CEP72: variants seen among roughly 807,000 people sequenced by gnomAD.
CEP72 encodes the protein centrosomal protein of 72 kDa.
In CEP72, 78 loss-of-function variants were observed where a neutral mutation model predicts 65.7. The observed-to-expected ratio is 1.19, with a 90% CI of 0.99 to 1.43. CEP72 has a LOEUF of 1.43. Among genes scored for constraint, CEP72 ranks in the 40% most tolerant of loss-of-function variants. The probability of loss-of-function intolerance (pLI) is 0.00; values close to 1 mark genes in which losing one functional copy is unlikely to be tolerated. For missense variants in CEP72, 914 were observed against 832.9 expected (o/e 1.10, Z -1.20); for synonymous variants, 358 against 351.7 (o/e 1.02, Z -0.20).
the CEP72 span, among the ~76,000 whole-genome samples, chr5:674,302 G>A: frequency 6.6e-6 from 1 of 152,216 alleles, no homozygotes; most frequent in Non-Finnish European, 1.5e-5. Context: ...GGAGCACGGG[G>A]CTGGGTCCCC....
At chr5:653,732 T>TATCACAGC (rs1422867385), downstream of CEP72, among the ~76,000 whole-genome samples, 1 of 152,240 alleles carries the variant, frequency 6.6e-6, no homozygotes, top group Non-Finnish European at 1.5e-5. Context: ...GATATTAACA[T>TATCACAGC]ATCACAGCGG....
At chr5:661,908 G>C (rs1318699887), downstream of CEP72, 3 of 152,400 alleles carry the variant, frequency 2.0e-5, no homozygotes, top group Non-Finnish European at 4.4e-5. Flanking sequence ...AGGGCCGCTG[G>C]GGGAGGGCGT....
At chr5:627,938 G>A (rs893250353) in intron 4 of CEP72, among the ~76,000 whole-genome samples, 2 of 152,194 alleles carry the variant, frequency 1.3e-5, no homozygotes, top group South Asian at 2.1e-4. Context: ...CGTGACCAGC[G>A]GCAACGTGTG....
At chr5:654,252 T>C (rs1739299206), downstream of CEP72, among the ~76,000 whole-genome samples, 1 of 147,558 alleles carries the variant, frequency 6.8e-6, no homozygotes, top group Non-Finnish European at 1.5e-5. Flanking sequence ...GTGTGCATGC[T>C]TGCTGTGTGT....
At chr5:614,296 T>G (rs76361168) in intron 1 of CEP72, among the ~76,000 whole-genome samples, 192 of 152,290 alleles carry the variant, frequency 1.3e-3, no homozygotes, top group African/African-American at 4.4e-3. Flanking sequence ...TTTGAGACTT[T>G]CCTATTTTCT....
At chr5:636,930 G>A (rs922870465) in intron 6 of CEP72, among the ~76,000 whole-genome samples, 1 of 152,076 alleles carries the variant, frequency 6.6e-6, no homozygotes, top group Non-Finnish European at 1.5e-5. Context: ...TCTGTCAGCC[G>A]CTGCAGGATG....
downstream of CEP72, chr5:660,248 G>A (rs1424724726): frequency 6.7e-6 from 1 of 149,334 alleles, no homozygotes; most frequent in Non-Finnish European, 1.5e-5. Flanking sequence ...TCCCTTTCTT[G>A]AAAAAAACTT....
exon 2 of CEP72, chr5:663,468 C>T (rs1029997080): frequency 3.3e-5 from 5 of 152,442 alleles, no homozygotes; most frequent in Non-Finnish European, 5.9e-5. Flanking sequence ...TCCTCCCCAT[C>T]CTCAGGTGGA....
intron 4 of CEP72, among the ~76,000 whole-genome samples, chr5:625,656 C>T (rs537774349): frequency 6.6e-6 from 1 of 152,380 alleles, no homozygotes; most frequent in East Asian, 1.9e-4. Context: ...CCCATCACCC[C>T]ATTTCAAACC....
intron 4 of CEP72, among the ~76,000 whole-genome samples, chr5:632,045 TG>T (rs1318627822): frequency 6.1e-5 from 3 of 48,966 alleles, no homozygotes; most frequent in Non-Finnish European, 1.1e-4. Flanking sequence ...CCAGTCCTAG[TG>T]GGGTTCTGTC....
At chr5:673,555 C>T in the CEP72 span, among the ~76,000 whole-genome samples, 11 of 152,178 alleles carry the variant, frequency 7.2e-5, no homozygotes, top group Admixed American at 2.6e-4. Context: ...ATCTCCCACA[C>T]GGCGCCCACT....
chr5:640,275 C>A (rs1737919819), intron 8 of CEP72, 133 bp from the exon 9 acceptor site: 2 of 1,235,550 alleles, frequency 1.6e-6, no homozygotes, highest in Admixed American at 2.6e-5. Context: ...GGCGCCAACA[C>A]CCCTTTCCCC....
rs543053471 is a variant in CEP72 at position 626,168 on chromosome 5, C to T, written c.512+1589C>T. ...CTTTGTCATTTTTTACATAGAAAAT[C>T]ATGTCATCTGTGAACAGTTTTATTC... On this transcript the variant is annotated intron_variant, in intron 4 of 11. Coordinates refer to ENST00000264935, the MANE Select transcript of CEP72 (RefSeq NM_018140.4). 2.0e-5 allele frequency among the ~76,000 whole-genome samples: 3 copies of T among 152,326 alleles called. No individual in the cohort carries two copies. In the South Asian group the frequency reaches 6.2e-4, roughly 32 times the overall value.
At chr5:676,431 A>G in the CEP72 span, 18,097 of 152,244 alleles carry the variant, frequency 0.12, 1,398 homozygotes, top group South Asian at 0.18. Flanking sequence ...ACAGCCTTCC[A>G]CACAGGGGCA....
chr5:665,964 G>A (rs1279880985), exon 4 of CEP72: 1 of 1,109,718 alleles, frequency 9.0e-7, no homozygotes, highest in South Asian at 1.5e-5. Context: ...TCCCCGCCCT[G>A]CTCACCGTCA....
chr5:669,603 C>T (rs985129839), downstream of CEP72, among the ~76,000 whole-genome samples: 26 of 152,156 alleles, frequency 1.7e-4, no homozygotes, highest in Non-Finnish European at 3.2e-4. Flanking sequence ...TGCTGAGGCA[C>T]GCAGCCCTTT....
At chr5:622,073 C>T (rs1472073184) in intron 3 of CEP72, among the ~76,000 whole-genome samples, 1 of 152,222 alleles carries the variant, frequency 6.6e-6, no homozygotes, top group African/African-American at 2.4e-5. Context: ...TGAGCCTGGC[C>T]AAATTCTAAC....
chr5:622,671 T>C (rs1736467793), intron 3 of CEP72, among the ~76,000 whole-genome samples: 1 of 152,232 alleles, frequency 6.6e-6, no homozygotes, highest in African/African-American at 2.4e-5. Context: ...GCGGCGTGCA[T>C]GCGTGGTGCT....
intron 1 of CEP72, among the ~76,000 whole-genome samples, chr5:615,134 C>CT (rs373343998): frequency 0.068 from 8,193 of 120,260 alleles, 451 homozygotes; most frequent in East Asian, 0.18. Context: ...TAGTCTTCCT[C>CT]TTTTTTTTTT....
Sources: gnomAD v4.1 joint callset for allele counts (sites outside exome capture counted in the v4.1 genomes callset) on GRCh38, gnomAD v4.1.1 for gene constraint, MANE v1.5 for transcripts, NCBI Gene and HGNC (gene_info 2026-07-23, HGNC 2026-07-21) for gene names.